The following SYNCRIP variants were observed in gnomAD, a reference collection of about 807,000 sequenced individuals.
SYNCRIP encodes the protein synaptotagmin binding cytoplasmic RNA interacting protein.
Under a neutral mutation model 68.9 loss-of-function variants are expected in SYNCRIP, and 9 were observed. The observed-to-expected ratio is 0.13, with a 90% CI of 0.08 to 0.23. The LOEUF is 0.23. SYNCRIP is among the 10% of genes least tolerant of loss of function. The pLI, the probability that SYNCRIP is intolerant of heterozygous loss-of-function variation, is 1.00. For missense variants in SYNCRIP, 414 were observed against 770.6 expected, an observed-to-expected ratio of 0.54 and a Z score of 5.48; for synonymous variants, 258 against 254.0, an observed-to-expected ratio of 1.02 and a Z score of -0.15.
At chr6:85,612,078 A>T (rs1805294737), downstream of SYNCRIP, 1 of 152,128 alleles carries the variant, frequency 6.6e-6, no homozygotes. Flanking sequence ...ACAAAATACG[A>T]CAAAAGCAAG....
intron 8 of SYNCRIP, among the ~76,000 whole-genome samples, chr6:85,619,737 T>C (rs554932138): frequency 1.3e-5 from 2 of 152,270 alleles, no homozygotes; most frequent in Non-Finnish European, 2.9e-5. Flanking sequence ...ACACTATAAA[T>C]GCAGGTAAGA....
Position 85,614,525 on chromosome 6 carries a change from A to T in SYNCRIP, c.*231T>A. On this transcript the variant is annotated 3_prime_UTR_variant, in exon 11 of 11. Coordinates refer to ENST00000369622, the MANE Select transcript of SYNCRIP (RefSeq NM_006372.5). The stretch of plus-strand genomic sequence containing the variant: ...CTCAAGCACAAATGCAAACTCATTA[A>T]CTATTTCTTTCAGTATCTAAGAATA... 1 of 1,238,222 alleles carries T rather than the reference A, an allele frequency of 8.1e-7. No individual in the cohort carries two copies. The allele number at this position is 1,238,222 out of a possible 1,614,324, so 76.7% of individuals were successfully genotyped here. A position where few individuals can be genotyped will look rare whatever the true frequency, so the allele number is the denominator to read the frequency against.
chr6:85,614,515 A>G lies in SYNCRIP; in HGVS notation c.*241T>C. 1 of 1,210,522 alleles carries G rather than the reference A, an allele frequency of 8.3e-7. No individual in the cohort carries two copies. Among genetic ancestry groups the G allele is most frequent in the South Asian group, 3.1e-5 (1 of 32,100 alleles). 75.0% of individuals were successfully genotyped at this position (1,210,522 alleles called of 1,614,324 possible). On this transcript the variant is annotated 3_prime_UTR_variant, in exon 11 of 11. Coordinates refer to ENST00000369622, the MANE Select transcript of SYNCRIP (RefSeq NM_006372.5). ...GCCAAATTTTCTCAAGCACAAATGCAAACTCATTAACTATTTCTTTCAGTA... is the reference window on the plus strand; with the variant it reads ...GCCAAATTTTCTCAAGCACAAATGCGAACTCATTAACTATTTCTTTCAGTA...
At chr6:85,637,689 AT>A (rs1808616094) in intron 4 of SYNCRIP, among the ~76,000 whole-genome samples, 1 of 152,208 alleles carries the variant, frequency 6.6e-6, no homozygotes, top group Non-Finnish European at 1.5e-5. Flanking sequence ...ATCTTAAAAA[AT>A]GATTGTACCT....
At chr6:85,620,156 G>C (rs774760438) in intron 8 of SYNCRIP, among the ~76,000 whole-genome samples, 1 of 152,180 alleles carries the variant, frequency 6.6e-6, no homozygotes, top group Non-Finnish European at 1.5e-5. Flanking sequence ...TGAAGCATGA[G>C]AAATGGTTGA....
intron 2 of SYNCRIP, 98 bp downstream of exon 2, chr6:85,641,192 CCA>C (rs2128305423): frequency 6.6e-6 from 6 of 911,670 alleles, no homozygotes; most frequent in Admixed American, 2.2e-5. Context: ...ACTCCAGTAC[CCA>C]CACTTATTGG....
intron 6 of SYNCRIP, among the ~76,000 whole-genome samples, chr6:85,629,855 G>C (rs1389911039): frequency 1.3e-5 from 2 of 151,104 alleles, no homozygotes; most frequent in Non-Finnish European, 3.0e-5. Flanking sequence ...ATGGTGGCGG[G>C]CTCCTGTAGT....
chr6:85,639,201 C>T (rs1246884221), intron 4 of SYNCRIP, among the ~76,000 whole-genome samples: 1 of 152,004 alleles, frequency 6.6e-6, no homozygotes, highest in African/African-American at 2.4e-5. Flanking sequence ...GAGTAAGACT[C>T]TGTCTCCCAA....
At chr6:85,625,634 C>T (rs1353934438) in intron 6 of SYNCRIP, among the ~76,000 whole-genome samples, 1 of 152,122 alleles carries the variant, frequency 6.6e-6, no homozygotes, top group Non-Finnish European at 1.5e-5. Flanking sequence ...GATCCACTCG[C>T]CTCGGCCTCC....
intron 6 of SYNCRIP, among the ~76,000 whole-genome samples, chr6:85,628,268 C>G (rs1463346917): frequency 2.0e-5 from 3 of 152,104 alleles, no homozygotes; most frequent in Non-Finnish European, 4.4e-5. Context: ...GTTGGCCAGG[C>G]TGGTCTCGAA....
intron 6 of SYNCRIP, 134 bp downstream of exon 6, chr6:85,636,833 G>T (rs966968905): frequency 2.7e-6 from 2 of 736,070 alleles, no homozygotes; most frequent in Non-Finnish European, 4.4e-6. Flanking sequence ...CTTGCACAGT[G>T]ATGTGGGAAA....
rs370452855 is a variant in SYNCRIP, at chr6:85,632,463, T to C, written c.666+4504A>G. Among the ~76,000 whole-genome samples, 73 of 152,302 alleles carry C rather than the reference T, an allele frequency of 4.8e-4. No individual in the cohort carries two copies. The East Asian group carries it at 0.011, about 23-fold the overall frequency. ...CCAAAGTATGCGCCCTTGAGGAACA[T>C]ACTTAGGAAAGGGGTATTCATGTCC... On this transcript the variant is annotated intron_variant, in intron 6 of 10. Coordinates refer to ENST00000369622, the MANE Select transcript of SYNCRIP (RefSeq NM_006372.5).
intron 8 of SYNCRIP, among the ~76,000 whole-genome samples, chr6:85,622,188 A>G (rs532478479): frequency 3.3e-5 from 5 of 152,176 alleles, no homozygotes; most frequent in African/African-American, 1.2e-4. Flanking sequence ...TCTGACCAAC[A>G]TGGTGAAACC....
chr6:85,619,458 G>C (rs371710617), intron 8 of SYNCRIP, 41 bp from the exon 9 acceptor site: 30 of 1,573,836 alleles, frequency 1.9e-5, no homozygotes, highest in Non-Finnish European at 2.6e-5. Context: ...TTTCCAAAGA[G>C]TTCCATTTCT....
chr6:85,615,262 A>T lies in SYNCRIP; in HGVS notation c.1366T>A (p.Tyr456Asn). ...TCATATCCATAATAATCTGGAGGAT[A>T]TCCATAACCACCTCTACCTCCACGC... Reference protein sequence around the residue: ...RGRGGRGGYGYPPDYYGYEDY... With the variant: ...RGRGGRGGYGNPPDYYGYEDY... The change falls in exon 11 of 11, where the codon TAT becomes AAT. Residue 456 changes from tyrosine (Y) to asparagine (N), a missense_variant. By Grantham distance (143) the Tyr-to-Asn change is moderately radical (BLOSUM62 -2). This residue lies in a region of SYNCRIP where 72 missense variants were observed against 119.8 expected (regional missense o/e 0.60). Transcript: ENST00000369622. 6.2e-7 allele frequency: 1 copy of T among 1,602,396 alleles called. No homozygotes were observed. The highest frequency in any genetic ancestry group is 8.5e-7 in the Non-Finnish European group (1 of 1,171,560).
chr6:85,612,990 T>A, downstream of SYNCRIP: 1 of 1,508,368 alleles, frequency 6.6e-7, no homozygotes, highest in Non-Finnish European at 9.0e-7. Flanking sequence ...ACATACATAA[T>A]GATAACATTA....
chr6:85,635,321 T>C (rs2842607), intron 6 of SYNCRIP, among the ~76,000 whole-genome samples: 39,652 of 152,076 alleles, frequency 0.26, 6,493 homozygotes, highest in East Asian at 0.39. Flanking sequence ...AGCACTCTTT[T>C]ATGAAGAGAA....
rs141867291 is a variant in SYNCRIP at position 85,620,109 on chromosome 6, G to A, written c.1009-692C>T. On this transcript the variant is annotated intron_variant, in intron 8 of 10. Coordinates refer to ENST00000369622, the MANE Select transcript of SYNCRIP (RefSeq NM_006372.5). Reference sequence around the variant, plus strand: ...AAAAATACAAAGATTAGCCGGGTGCGATGGTACGCAACTATGGTTCCAGCT... The same window carrying A: ...AAAAATACAAAGATTAGCCGGGTGCAATGGTACGCAACTATGGTTCCAGCT... Among the ~76,000 whole-genome samples, 203 of 152,294 alleles carry A rather than the reference G, an allele frequency of 1.3e-3. 1 individual carries two copies. The highest frequency in any genetic ancestry group is 4.3e-3 in the African/African-American group (177 of 41,560).
At chr6:85,617,239 A>G (rs1006263346) in intron 10 of SYNCRIP, among the ~76,000 whole-genome samples, 2 of 152,070 alleles carry the variant, frequency 1.3e-5, no homozygotes, top group Non-Finnish European at 2.9e-5. Flanking sequence ...AAAGTACGAA[A>G]GTAACATGCA....
Sources: allele counts gnomAD v4.1 joint callset (sites outside exome capture counted in the v4.1 genomes callset), GRCh38; gene constraint gnomAD v4.1.1; regional missense constraint gnomAD v4.1.1; transcripts MANE v1.5; gene names NCBI Gene and HGNC (gene_info 2026-07-23, HGNC 2026-07-21).